The following CHRM3 variants were observed in gnomAD, a reference collection of about 807,000 sequenced individuals.
CHRM3 encodes the protein muscarinic acetylcholine receptor M3.
CHRM3 carries 11 observed loss-of-function variants against 41.8 expected under a neutral mutation model. The observed-to-expected ratio is 0.26, with a 90% CI of 0.17 to 0.44. The LOEUF is 0.44. CHRM3 is among the 20% of genes least tolerant of loss of function. The pLI is 1.00. For synonymous variants in CHRM3, 297 were observed against 301.4 expected (o/e 0.99, Z 0.15); for missense variants, 571 against 745.4 (o/e 0.77, Z 2.72).
At chr1:239,864,545 CGCACACACACACACAT>C (rs966112961) in intron 6 of CHRM3, among the ~76,000 whole-genome samples, 7 of 139,620 alleles carry the variant, frequency 5.0e-5, no homozygotes, top group African/African-American at 2.3e-4. Flanking sequence ...CACACACACA[CGCACACACACACACAT>C]ATACATATAT....
At chr1:239,669,202 G>C (rs1049718695) in intron 4 of CHRM3, among the ~76,000 whole-genome samples, 1 of 152,092 alleles carries the variant, frequency 6.6e-6, no homozygotes, top group Non-Finnish European at 1.5e-5. Context: ...GATTTCTAAT[G>C]CCTTAAAAGG....
chr1:239,845,757 T>TTACA (rs573036288), intron 6 of CHRM3, among the ~76,000 whole-genome samples: 29 of 152,384 alleles, frequency 1.9e-4, no homozygotes, highest in Non-Finnish European at 3.8e-4. Flanking sequence ...GCATACCGAA[T>TTACA]TACAGCCTCT....
In CHRM3 at chr1:239,445,640, C is replaced by T. The variant is rs186577036; in HGVS notation, c.-520-47069C>T. 4.3e-4 allele frequency among the ~76,000 whole-genome samples: 65 copies of T among 152,078 alleles called. 1 individual carries two copies. Among genetic ancestry groups the T allele is most frequent in the African/African-American group, 1.2e-3 (50 of 41,498 alleles). On this transcript the variant is annotated intron_variant, in intron 1 of 6. Coordinates refer to ENST00000676153, the MANE Select transcript of CHRM3 (RefSeq NM_001375978.1). Reference sequence around the variant, plus strand: ...AGGATTGTTGTAGGAATGTGGTTAACGATAGAAAATTTAATTCACCAAGAA... The same window carrying T: ...AGGATTGTTGTAGGAATGTGGTTAATGATAGAAAATTTAATTCACCAAGAA...
At chr1:239,773,079 C>A (rs1041947433) in intron 5 of CHRM3, among the ~76,000 whole-genome samples, 2 of 152,104 alleles carry the variant, frequency 1.3e-5, no homozygotes, top group African/African-American at 4.8e-5. Context: ...GATTTTGACA[C>A]TGAAATTTAA....
chr1:239,772,309 A>G (rs1384262894), intron 5 of CHRM3, among the ~76,000 whole-genome samples: 1 of 151,938 alleles, frequency 6.6e-6, no homozygotes, highest in African/African-American at 2.4e-5. Context: ...CACCGCCACA[A>G]CCGGATAATT....
At chr1:239,430,752 C>G (rs933896803) in intron 1 of CHRM3, among the ~76,000 whole-genome samples, 54 of 150,212 alleles carry the variant, frequency 3.6e-4, no homozygotes, top group Non-Finnish European at 1.9e-4. Context: ...CCATATATAT[C>G]AAGAGTCTGA....
chr1:239,612,064 C>A (rs1483894009), intron 3 of CHRM3, among the ~76,000 whole-genome samples: 1 of 152,150 alleles, frequency 6.6e-6, no homozygotes, highest in East Asian at 1.9e-4. Context: ...GCTTTCTCAT[C>A]TCCCCATGAA....
intron 6 of CHRM3, among the ~76,000 whole-genome samples, chr1:239,886,777 T>C: frequency 6.6e-6 from 1 of 152,216 alleles, no homozygotes; most frequent in Non-Finnish European, 1.5e-5. Flanking sequence ...GTACCATTTG[T>C]CACAACGTAT....
intron 3 of CHRM3, among the ~76,000 whole-genome samples, chr1:239,574,208 G>A (rs568894563): frequency 6.6e-6 from 1 of 152,266 alleles, no homozygotes; most frequent in South Asian, 2.1e-4. Flanking sequence ...CTCAGCCAGA[G>A]AGTGATACCC....
chr1:239,543,292 G>A (rs1658960027), intron 2 of CHRM3, among the ~76,000 whole-genome samples: 1 of 152,122 alleles, frequency 6.6e-6, no homozygotes, highest in Non-Finnish European at 1.5e-5. Flanking sequence ...CTCATTGCTT[G>A]TGCCTCCTAC....
At chr1:239,854,947 T>C (rs1263661966) in intron 6 of CHRM3, among the ~76,000 whole-genome samples, 1 of 152,174 alleles carries the variant, frequency 6.6e-6, no homozygotes, top group Non-Finnish European at 1.5e-5. Flanking sequence ...TCCTAGTTTT[T>C]GTCATGTCTT....
chr1:239,665,687 C>A (rs933109507), intron 4 of CHRM3, among the ~76,000 whole-genome samples: 2 of 152,126 alleles, frequency 1.3e-5, no homozygotes, highest in Admixed American at 6.5e-5. Flanking sequence ...TGCCCCCCGA[C>A]TGGCCCCAGT....
At chr1:239,643,087 G>A (rs1042033164) in intron 4 of CHRM3, among the ~76,000 whole-genome samples, 12 of 152,154 alleles carry the variant, frequency 7.9e-5, no homozygotes, top group African/African-American at 1.7e-4. Context: ...GTGGATGTTC[G>A]TGATCCGCGA....
chr1:239,834,026 C>A (rs1056535294), intron 6 of CHRM3, among the ~76,000 whole-genome samples: 2 of 152,076 alleles, frequency 1.3e-5, no homozygotes, highest in African/African-American at 4.8e-5. Context: ...TAGCTGAGTT[C>A]TCTCCAATCC....
chr1:239,479,691 T>C (rs1666701858), intron 1 of CHRM3, among the ~76,000 whole-genome samples: 2 of 152,318 alleles, frequency 1.3e-5, no homozygotes, highest in South Asian at 4.2e-4. Flanking sequence ...TGCTGAATGC[T>C]GTAAGCAATT....
At chr1:239,419,310 T>C (rs1661746018) in intron 1 of CHRM3, among the ~76,000 whole-genome samples, 1 of 152,076 alleles carries the variant, frequency 6.6e-6, no homozygotes, top group Admixed American at 6.6e-5. Flanking sequence ...AGGGTTTTTA[T>C]AAGTACAGTC....
At chr1:239,404,728 ATAT>A (rs1387069243) in intron 1 of CHRM3, among the ~76,000 whole-genome samples, 7,052 of 130,202 alleles carry the variant, frequency 0.054, 346 homozygotes, top group African/African-American at 0.12. Flanking sequence ...AAATATATAT[ATAT>A]ATATATATAT....
At position 239,913,744 on chromosome 1, in the gene CHRM3, T is replaced by A. The variant is rs1174202800; in HGVS notation, c.*4520T>A. 6.0e-6 allele frequency: 1 copy of A among 167,072 alleles called. No individual in the cohort carries two copies. The highest frequency in any genetic ancestry group is 2.4e-5 in the African/African-American group (1 of 41,458). 10.3% of individuals were successfully genotyped at this position (167,072 alleles called of 1,614,324 possible). A position where few individuals can be genotyped will look rare whatever the true frequency, so the allele number is the denominator to read the frequency against. ...GTTCATAAAATGACTATACCCCACG[T>A]AAGTTTGTAACTGCACAGTGTTTTG... is the stretch of plus-strand genomic sequence containing the variant. On this transcript the variant is annotated 3_prime_UTR_variant, in exon 7 of 7. Coordinates refer to ENST00000676153, the MANE Select transcript of CHRM3 (RefSeq NM_001375978.1).
intron 5 of CHRM3, among the ~76,000 whole-genome samples, chr1:239,725,654 CG>C (rs1663368905): frequency 6.6e-6 from 1 of 151,804 alleles, no homozygotes; most frequent in Non-Finnish European, 1.5e-5. Flanking sequence ...GATTGGTGGC[CG>C]GGTCATGGAT....
Sources: gnomAD v4.1 joint callset for allele counts (sites outside exome capture counted in the v4.1 genomes callset) on GRCh38, gnomAD v4.1.1 for gene constraint, MANE v1.5 for transcripts, NCBI Gene and HGNC (gene_info 2026-07-23, HGNC 2026-07-21) for gene names.